PLPPR5: variants seen among roughly 807,000 people sequenced by gnomAD.
The protein encoded by PLPPR5 is phospholipid phosphatase-related protein type 5.
Under a neutral mutation model 33.9 loss-of-function variants are expected in PLPPR5, and 16 were observed. That is an observed-to-expected ratio of 0.47 (90% CI 0.32 to 0.72). The LOEUF is 0.72. PLPPR5 is among the 30% of genes least tolerant of loss of function. PLPPR5 has a pLI of 0.03. For synonymous variants in PLPPR5, 163 were observed against 150.3 expected, an observed-to-expected ratio of 1.08 and a Z score of -0.62; for missense variants, 301 against 406.7, an observed-to-expected ratio of 0.74 and a Z score of 2.23.
At chr1:98,936,464 G>A (rs186685243) in intron 3 of PLPPR5, among the ~76,000 whole-genome samples, 37 of 152,256 alleles carry the variant, frequency 2.4e-4, no homozygotes, top group Admixed American at 2.4e-3. Context: ...ACATCTACAG[G>A]CATGTTAGAA....
chr1:98,942,598 G>A (rs1184280285), intron 3 of PLPPR5, among the ~76,000 whole-genome samples: 1 of 152,168 alleles, frequency 6.6e-6, no homozygotes, highest in African/African-American at 2.4e-5. Flanking sequence ...CACCTCTAGT[G>A]CACTGGATGG....
chr1:98,992,773 T>C (rs1278215174), intron 1 of PLPPR5, among the ~76,000 whole-genome samples: 1 of 152,132 alleles, frequency 6.6e-6, no homozygotes, highest in East Asian at 1.9e-4. Context: ...AAAAAAACTC[T>C]CATAGTAGTC....
chr1:98,953,011 A>G, intron 3 of PLPPR5, 59 bp downstream of exon 3: 2 of 1,580,738 alleles, frequency 1.3e-6, no homozygotes, highest in Non-Finnish European at 1.7e-6. Context: ...AAGAATTTCT[A>G]CATTGGAAAA....
chr1:98,892,842 T>C lies in PLPPR5; in HGVS notation c.*230A>G. On this transcript the variant is annotated 3_prime_UTR_variant, in exon 6 of 6. Transcript: ENST00000263177. ...ACATTTTTGTTGAACACCTACTTTG[T>C]GCTAGGCTTTGTTGTAAGTGCTGGG... 2.2e-6 allele frequency: 1 copy of C among 449,088 alleles called. No homozygotes were observed. The highest frequency in any genetic ancestry group is 4.0e-5 in the South Asian group (1 of 25,086). The allele number at this position is 449,088 out of a possible 1,614,324, so 27.8% of individuals were successfully genotyped here.
At chr1:98,917,183 C>G (rs371378630) in intron 4 of PLPPR5, among the ~76,000 whole-genome samples, 14 of 152,262 alleles carry the variant, frequency 9.2e-5, no homozygotes, top group African/African-American at 3.1e-4. Flanking sequence ...TGCAGATTCA[C>G]AAGGCTAAAA....
intron 5 of PLPPR5, among the ~76,000 whole-genome samples, chr1:98,894,633 G>T (rs745387766): frequency 6.6e-6 from 1 of 152,076 alleles, no homozygotes; most frequent in Non-Finnish European, 1.5e-5. Flanking sequence ...ATAAGGGGCA[G>T]TAGAGAGAAA....
chr1:98,917,172 G>A (rs1471580), intron 4 of PLPPR5, among the ~76,000 whole-genome samples: 150,022 of 152,272 alleles, frequency 0.99, 73,937 homozygotes, highest in South Asian at 1. Context: ...CTCCGCCCCA[G>A]TGCAGATTCA....
At chr1:98,896,128 C>A (rs1352420703) in intron 5 of PLPPR5, among the ~76,000 whole-genome samples, 3 of 151,672 alleles carry the variant, frequency 2.0e-5, no homozygotes, top group Admixed American at 2.0e-4. Flanking sequence ...AAGAATCTAT[C>A]ATATGATGGT....
At chr1:98,952,096 C>T (rs1650805202) in intron 3 of PLPPR5, among the ~76,000 whole-genome samples, 1 of 152,046 alleles carries the variant, frequency 6.6e-6, no homozygotes, top group Admixed American at 6.6e-5. Context: ...AACCCCATCT[C>T]TACTAAAAAT....
intron 1 of PLPPR5, among the ~76,000 whole-genome samples, chr1:98,984,148 G>A (rs1014101015): frequency 6.6e-6 from 1 of 151,920 alleles, no homozygotes; most frequent in Non-Finnish European, 1.5e-5. Context: ...AACTACTAAA[G>A]CAGCCTGGCA....
intron 3 of PLPPR5, among the ~76,000 whole-genome samples, chr1:98,935,242 C>T (rs970979030): frequency 6.6e-6 from 1 of 152,162 alleles, no homozygotes; most frequent in African/African-American, 2.4e-5. Flanking sequence ...TCCTTGAAGC[C>T]AGGTCCGCAC....
At chr1:98,972,624 AACTTAT>A (rs1651700478) in intron 1 of PLPPR5, among the ~76,000 whole-genome samples, 1 of 152,110 alleles carries the variant, frequency 6.6e-6, no homozygotes, top group African/African-American at 2.4e-5. Flanking sequence ...ATTGAACTTA[AACTTAT>A]AAGTAGCAAT....
intron 5 of PLPPR5, among the ~76,000 whole-genome samples, chr1:98,903,284 A>G (rs960522420): frequency 6.6e-6 from 1 of 152,136 alleles, no homozygotes; most frequent in African/African-American, 2.4e-5. Flanking sequence ...TCTAATCACT[A>G]ATAAGATTGT....
intron 1 of PLPPR5, among the ~76,000 whole-genome samples, chr1:98,986,643 A>T (rs189171946): frequency 6.0e-4 from 91 of 152,068 alleles, no homozygotes; most frequent in Non-Finnish European, 1.2e-3. Flanking sequence ...ATGGATAAGA[A>T]AACTGTAGAA....
At chr1:98,956,830 C>T in intron 1 of PLPPR5, 89 bp from the exon 2 acceptor site, 2 of 989,832 alleles carry the variant, frequency 2.0e-6, no homozygotes, top group Non-Finnish European at 2.8e-6. Context: ...AAATGGAGCC[C>T]CTTTGAATGG....
chr1:98,936,192 A>C (rs1650163930), intron 3 of PLPPR5, among the ~76,000 whole-genome samples: 1 of 152,248 alleles, frequency 6.6e-6, no homozygotes, highest in Admixed American at 6.5e-5. Context: ...ATCTATGTAA[A>C]GCACTTAGCA....
intron 3 of PLPPR5, among the ~76,000 whole-genome samples, chr1:98,947,808 C>T (rs1349072184): frequency 2.0e-5 from 3 of 152,110 alleles, no homozygotes; most frequent in Non-Finnish European, 2.9e-5. Context: ...GGTCATGGCA[C>T]CAGTTGTCAT....
chr1:98,910,373 C>T (rs1649074484), intron 5 of PLPPR5, among the ~76,000 whole-genome samples: 2 of 152,122 alleles, frequency 1.3e-5, no homozygotes, highest in East Asian at 1.9e-4. Flanking sequence ...AAGGTGAGTA[C>T]TCAGTGATGT....
intron 1 of PLPPR5, among the ~76,000 whole-genome samples, chr1:98,976,266 AAT>A (rs1651849132): frequency 6.6e-6 from 1 of 152,038 alleles, no homozygotes; most frequent in South Asian, 2.1e-4. Context: ...GGAAATCTGT[AAT>A]ATGTCTTGAT....
Sources: gnomAD v4.1 joint callset for allele counts (sites outside exome capture counted in the v4.1 genomes callset) on GRCh38, gnomAD v4.1.1 for gene constraint, MANE v1.5 for transcripts, NCBI Gene and HGNC (gene_info 2026-07-23, HGNC 2026-07-21) for gene names.